The following HERC6 variants were observed in gnomAD, a reference collection of about 807,000 sequenced individuals.
HERC6 encodes probable E3 ubiquitin-protein ligase HERC6.
HERC6 carries 101 observed loss-of-function variants against 114.5 expected under a neutral mutation model. That is an observed-to-expected ratio of 0.88 (90% CI 0.75 to 1.04). The LOEUF (loss-of-function observed/expected upper bound fraction) is 1.04. Ranked by LOEUF, HERC6 falls within the 50% of genes least tolerant of loss-of-function variation. The pLI is 0.00. For missense variants in HERC6, 1,133 were observed against 1,230.9 expected, an observed-to-expected ratio of 0.92 and a Z score of 1.19; for synonymous variants, 408 against 436.2, an observed-to-expected ratio of 0.94 and a Z score of 0.81.
chr4:88,429,475 AC>A (rs1737968646), intron 16 of HERC6, among the ~76,000 whole-genome samples: 1 of 152,070 alleles, frequency 6.6e-6, no homozygotes, highest in Admixed American at 6.6e-5. Flanking sequence ...TCCACTAAAG[AC>A]CTTCCACTAT....
intron 10 of HERC6, among the ~76,000 whole-genome samples, chr4:88,405,823 ACTTC>A (rs1226761861): frequency 6.6e-6 from 1 of 152,166 alleles, no homozygotes; most frequent in African/African-American, 2.4e-5. Flanking sequence ...AATATTGTTT[ACTTC>A]CTTCATACCA....
At chr4:88,436,296 A>T (rs1438057444) in intron 18 of HERC6, among the ~76,000 whole-genome samples, 1 of 152,262 alleles carries the variant, frequency 6.6e-6, no homozygotes, top group Non-Finnish European at 1.5e-5. Flanking sequence ...GGGAATAAAT[A>T]AAAATGAGAT....
chr4:88,387,570 A>T (rs532442165), intron 3 of HERC6, among the ~76,000 whole-genome samples: 1 of 152,196 alleles, frequency 6.6e-6, no homozygotes, highest in Non-Finnish European at 1.5e-5. Flanking sequence ...GTGCTTAACT[A>T]CTACGCTGCA....
chr4:88,383,975 G>A (rs1266333296), intron 2 of HERC6, among the ~76,000 whole-genome samples: 1 of 151,774 alleles, frequency 6.6e-6, no homozygotes, highest in African/African-American at 2.4e-5. Flanking sequence ...CTCCAGAGTG[G>A]GTATAAAGAC....
rs762182758 is a variant in HERC6, at chr4:88,423,923, T to C, written c.1777T>C (p.Leu593=). ...CAACATAAATGAACTCTCCAACTTA[T>C]TAAACTTTTATATAGATAGAGGAAG... ...TFNINELSNL[L]NFYIDRGRQL... Residue 593 remains leucine (L), a synonymous_variant, in exon 14 of 23, where the codon TTA becomes CTA. Transcript: ENST00000264346. 2.1e-5 allele frequency: 33 copies of C among 1,575,828 alleles called. 1 individual carries two copies. In the South Asian group the frequency reaches 3.7e-4, roughly 18 times the overall value.
chr4:88,414,427 G>A (rs1263197422), intron 12 of HERC6, among the ~76,000 whole-genome samples: 12 of 152,030 alleles, frequency 7.9e-5, no homozygotes, highest in Non-Finnish European at 1.0e-4. Flanking sequence ...TTACTGGAAA[G>A]GGGTCCCAAT....
Position 88,420,157 on chromosome 4 carries a change from C to T in HERC6, c.1713+2578C>T, listed in dbSNP as rs537735230. Among the ~76,000 whole-genome samples the T allele has an allele frequency of 2.0e-5, 3 of 151,990 alleles. 1 individual carries two copies. In the South Asian group the frequency reaches 6.3e-4, roughly 32 times the overall value. On this transcript the variant is annotated intron_variant, in intron 13 of 22. Transcript: ENST00000264346. ...GTTAAATTTACTTCTTAATAAAATA[C>T]ACCTCTTTCCCTGGCGCTTTGTAGT...
At chr4:88,436,804 T>G in intron 18 of HERC6, 101 bp from the exon 19 acceptor site, 1 of 710,622 alleles carries the variant, frequency 1.4e-6, no homozygotes, top group Non-Finnish European at 2.2e-6. Context: ...ATATTATATT[T>G]TATACATTTC....
chr4:88,393,361 G>T, intron 4 of HERC6, 127 bp from the exon 5 acceptor site: 1 of 400,644 alleles, frequency 2.5e-6, no homozygotes, highest in Non-Finnish European at 4.3e-6. Flanking sequence ...CTATGTTAGT[G>T]AATTATAAGA....
At chr4:88,428,397 A>T (rs1399367717) in intron 15 of HERC6, among the ~76,000 whole-genome samples, 183 bp from the exon 16 acceptor site, 1 of 152,202 alleles carries the variant, frequency 6.6e-6, no homozygotes, top group African/African-American at 2.4e-5. Context: ...TGGTCCTACA[A>T]TCACTCCACC....
At position 88,435,804 on chromosome 4, in the gene HERC6, T is replaced by A. The variant is rs1192996384; in HGVS notation, c.2330T>A (p.Leu777His). 6.2e-7 allele frequency: 1 copy of A among 1,612,360 alleles called. No individual in the cohort carries two copies. Among genetic ancestry groups the A allele is most frequent in the Admixed American group, 1.7e-5 (1 of 59,814 alleles). The change falls in exon 18 of 23, where the codon CTT becomes CAT. Residue 777 changes from leucine (L) to histidine (H), a missense_variant. By Grantham distance (99) the Leu-to-His change is moderately conservative. Around this residue, in one of 3 missense-constraint regions of HERC6, gnomAD observed 388 missense variants for 445.9 expected, o/e 0.87. Transcript: ENST00000264346. ...LSLFNLNVAN[L>H]PFPLALYKKL... ...TTATTCAATTTAAATGTTGCTAACCTTCCTTTCCCACTGGCTCTGTATAAA... is the reference window on the plus strand; with the variant it reads ...TTATTCAATTTAAATGTTGCTAACCATCCTTTCCCACTGGCTCTGTATAAA...
At chr4:88,389,958 C>T (rs1734805503) in intron 3 of HERC6, among the ~76,000 whole-genome samples, 1 of 151,914 alleles carries the variant, frequency 6.6e-6, no homozygotes, top group African/African-American at 2.4e-5. Context: ...AGGTGGATCA[C>T]CTGAGGTCAG....
Position 88,431,148 on chromosome 4 carries a change from TTC to T in HERC6, c.2107-10_2107-9del. On this transcript the variant is annotated splice_polypyrimidine_tract_variant and intron_variant, in intron 16 of 22. Coordinates refer to ENST00000264346, the MANE Select transcript of HERC6 (RefSeq NM_017912.4). ...TTTTAAGTCAGGATCTGGGACTATG[TTC>T]TCTTTCCTTAGGTTGAATTTATTAA... 1 of 1,600,620 alleles carries T rather than the reference TTC, an allele frequency of 6.2e-7. No homozygotes were observed. Among genetic ancestry groups the T allele is most frequent in the Non-Finnish European group, 8.5e-7 (1 of 1,175,584 alleles).
chr4:88,438,062 G>C (rs541232633), intron 20 of HERC6, among the ~76,000 whole-genome samples: 2 of 147,660 alleles, frequency 1.4e-5, no homozygotes, highest in Non-Finnish European at 3.0e-5. Context: ...GGAAGTGGAG[G>C]TTGCAGTGAG....
At chr4:88,386,199 CTTTT>C (rs1262540915) in intron 3 of HERC6, among the ~76,000 whole-genome samples, 1 of 131,938 alleles carries the variant, frequency 7.6e-6, no homozygotes, top group Non-Finnish European at 1.6e-5. Flanking sequence ...TTTTTCTTTT[CTTTT>C]TTTTTTTTTT....
chr4:88,442,323 G>A lies in HERC6; in HGVS notation c.2932G>A (p.Asp978Asn). ...FRCPETFSER[D>N]HPTSITCHNI... Reference sequence around the variant, plus strand: ...CTGTCCTGAAACTTTCAGTGAAAGAGATCACCCAACATCAATAACTTGTCA... The same window carrying A: ...CTGTCCTGAAACTTTCAGTGAAAGAAATCACCCAACATCAATAACTTGTCA... The change falls in exon 23 of 23, where the codon GAT (aspartate) becomes AAT (asparagine). Residue 978 changes from aspartate (D) to asparagine (N), a missense_variant. Asp to Asn is a conservative substitution (Grantham distance 23). Around this residue, in one of 3 missense-constraint regions of HERC6, gnomAD observed 388 missense variants for 445.9 expected, o/e 0.87. Coordinates refer to ENST00000264346, the MANE Select transcript of HERC6 (RefSeq NM_017912.4). 2 of 1,613,768 alleles carry A rather than the reference G, an allele frequency of 1.2e-6. No homozygotes were observed.
At position 88,384,268 on chromosome 4, in the gene HERC6, C is replaced by T. The variant is rs546114065; in HGVS notation, c.359+888C>T. Among the ~76,000 whole-genome samples the T allele has an allele frequency of 5.3e-5, 8 of 152,300 alleles. No homozygotes were observed. The South Asian group carries it at 1.7e-3, about 32-fold the overall frequency. ...TTTACTTTGGGATATTCTGCAATAGCGAGCATGCTTGTAAATAACCTTTGT... is the reference window on the plus strand; with the variant it reads ...TTTACTTTGGGATATTCTGCAATAGTGAGCATGCTTGTAAATAACCTTTGT... On this transcript the variant is annotated intron_variant, in intron 2 of 22. Transcript: ENST00000264346.
intron 2 of HERC6, 98 bp downstream of exon 2, chr4:88,383,478 G>A (rs747459661): frequency 2.5e-5 from 23 of 936,492 alleles, no homozygotes; most frequent in Non-Finnish European, 3.0e-5. Flanking sequence ...ACTATGACAG[G>A]CCAGCTGCAG....
At position 88,379,063 on chromosome 4, in the gene HERC6, G is replaced by A; in HGVS notation, c.142G>A (p.Gly48Arg). ...GACCAACCACAGGGTCCTCTCGTGC[G>A]GAGACAACAGCAGGGGTCAGCTGGG... ...LLTNHRVLSC[G>R]DNSRGQLGRR... Residue 48 changes from glycine to arginine, a missense_variant, in exon 1 of 23, where the codon GGA becomes AGA. Physicochemically the swap from Gly to Arg is moderately radical, Grantham distance 125 (BLOSUM62 -2). Around this residue, in one of 3 missense-constraint regions of HERC6, gnomAD observed 735 missense variants for 754.0 expected, o/e 0.97. Transcript: ENST00000264346. 6.4e-7 allele frequency: 1 copy of A among 1,554,402 alleles called. No homozygotes were observed. The highest frequency in any genetic ancestry group is 8.7e-7 in the Non-Finnish European group (1 of 1,150,522).
Sources: allele counts gnomAD v4.1 joint callset (sites outside exome capture counted in the v4.1 genomes callset), GRCh38; gene constraint gnomAD v4.1.1; regional missense constraint gnomAD v4.1.1; transcripts MANE v1.5; gene names NCBI Gene and HGNC (gene_info 2026-07-23, HGNC 2026-07-21).